The following RGS6 variants were observed in gnomAD, a reference collection of about 807,000 sequenced individuals.
RGS6 encodes the protein regulator of G protein signaling 6, also known as regulator of G-protein signaling 6.
RGS6 carries 30 observed loss-of-function variants against 78.5 expected under a neutral mutation model. The observed-to-expected ratio is 0.38, with a 90% CI of 0.29 to 0.52. RGS6 has a LOEUF of 0.52. Ranked by LOEUF, RGS6 falls within the 20% of genes least tolerant of loss-of-function variation. The pLI is 0.85. For missense variants in RGS6, 495 were observed against 609.7 expected (o/e 0.81, Z 1.98); for synonymous variants, 206 against 206.0 (o/e 1.00, Z 0.00).
chr14:72,434,046 C>A (rs969306495), intron 3 of RGS6, among the ~76,000 whole-genome samples: 10 of 152,232 alleles, frequency 6.6e-5, no homozygotes, highest in Admixed American at 1.3e-4. Flanking sequence ...CGTTAACATT[C>A]AGCTCAAGGC....
intron 2 of RGS6, among the ~76,000 whole-genome samples, chr14:72,072,147 C>G (rs564351421): frequency 2.0e-5 from 3 of 152,146 alleles, no homozygotes; most frequent in Non-Finnish European, 2.9e-5. Context: ...TGTTAAGCCC[C>G]TTTCATGGAG....
At chr14:72,382,030 C>T (rs930761137) in intron 3 of RGS6, among the ~76,000 whole-genome samples, 3 of 151,244 alleles carry the variant, frequency 2.0e-5, no homozygotes, top group Non-Finnish European at 4.4e-5. Flanking sequence ...AGAATGGCTT[C>T]TTAAAAAGCC....
chr14:72,472,706 A>C (rs747711577), intron 8 of RGS6, among the ~76,000 whole-genome samples, 166 bp from the exon 9 acceptor site: 1 of 152,152 alleles, frequency 6.6e-6, no homozygotes, highest in Non-Finnish European at 1.5e-5. Flanking sequence ...CGGGGGGGGA[A>C]TTATACACCC....
chr14:72,612,675 A>G, the RGS6 span: 1 of 504,702 alleles, frequency 2.0e-6, no homozygotes, highest in South Asian at 1.4e-5. Context: ...TATAAACCAC[A>G]AACCCCATTC....
chr14:72,448,684 CAATTATT>C (rs757069878), intron 3 of RGS6, among the ~76,000 whole-genome samples: 9 of 151,944 alleles, frequency 5.9e-5, no homozygotes, highest in Non-Finnish European at 1.3e-4. Flanking sequence ...ATAATAGTAC[CAATTATT>C]ATTATCACTA....
chr14:72,278,474 T>C (rs1431260188), intron 2 of RGS6, among the ~76,000 whole-genome samples: 1 of 152,148 alleles, frequency 6.6e-6, no homozygotes, highest in Non-Finnish European at 1.5e-5. Context: ...GGAATATGTA[T>C]TGCTTAGGAG....
rs2097710050 is a variant in RGS6, at chr14:72,566,282, C to T, written c.*3815C>T. The T allele has an allele frequency of 1.3e-5, 2 of 152,214 alleles. No individual in the cohort carries two copies. The highest frequency in any genetic ancestry group is 4.8e-5 in the African/African-American group (2 of 41,446). 9.4% of individuals were successfully genotyped at this position (152,214 alleles called of 1,614,324 possible). ...AAATGACCAGGACTTGGCCCTCTCC[C>T]CAGCCCCGATGAGGGCTCAGAGCCA... On this transcript the variant is annotated 3_prime_UTR_variant, in exon 18 of 18. Coordinates refer to ENST00000553525, the MANE Select transcript of RGS6 (RefSeq NM_001204424.2).
rs191465067 is a variant in RGS6 at position 72,018,216 on chromosome 14, A to T, written c.84+53341A>T. Among the ~76,000 whole-genome samples the T allele has an allele frequency of 1.2e-3, 190 of 152,286 alleles. 2 individuals are homozygous for T. Among genetic ancestry groups the T allele is most frequent in the Admixed American group, 2.7e-3 (41 of 15,286 alleles). On this transcript the variant is annotated intron_variant, in intron 2 of 17. Coordinates refer to ENST00000553525, the MANE Select transcript of RGS6 (RefSeq NM_001204424.2). The stretch of plus-strand genomic sequence containing the variant: ...CTTGTTTGTTTTGTTATTAAAAAAA[A>T]TCATGATTGAATGTTGAATTTTATC...
At chr14:72,148,682 G>A (rs964037265) in intron 2 of RGS6, among the ~76,000 whole-genome samples, 8 of 152,156 alleles carry the variant, frequency 5.3e-5, no homozygotes, top group African/African-American at 9.7e-5. Flanking sequence ...AGGGTTATTA[G>A]CATGGCCCCT....
intron 3 of RGS6, among the ~76,000 whole-genome samples, chr14:72,356,489 G>A (rs1367758890): frequency 2.6e-5 from 4 of 152,084 alleles, no homozygotes; most frequent in Non-Finnish European, 5.9e-5. Flanking sequence ...TGTGAAAATG[G>A]ACTAATACAC....
At chr14:72,093,636 C>T (rs1055775085) in intron 2 of RGS6, among the ~76,000 whole-genome samples, 1 of 152,168 alleles carries the variant, frequency 6.6e-6, no homozygotes, top group Non-Finnish European at 1.5e-5. Context: ...ATCTGCATTG[C>T]TCTAATGTAT....
At chr14:72,109,589 T>C (rs1209172872) in intron 2 of RGS6, among the ~76,000 whole-genome samples, 1 of 152,216 alleles carries the variant, frequency 6.6e-6, no homozygotes, top group Admixed American at 6.5e-5. Context: ...GTATTCTCTT[T>C]ATCTTGCCCA....
intron 2 of RGS6, among the ~76,000 whole-genome samples, chr14:72,104,875 T>A (rs1292228998): frequency 6.6e-6 from 1 of 152,192 alleles, no homozygotes; most frequent in Non-Finnish European, 1.5e-5. Flanking sequence ...AGCTCTCAGG[T>A]TATGCCTGTT....
intron 2 of RGS6, among the ~76,000 whole-genome samples, chr14:72,245,592 C>T (rs1191539469): frequency 2.6e-5 from 4 of 152,218 alleles, no homozygotes; most frequent in Non-Finnish European, 5.9e-5. Context: ...GTGTTCCTTG[C>T]CCTCATTCCT....
chr14:72,278,490 T>C (rs2061050740), intron 2 of RGS6, among the ~76,000 whole-genome samples: 1 of 152,184 alleles, frequency 6.6e-6, no homozygotes, highest in Non-Finnish European at 1.5e-5. Context: ...AGGAGACACA[T>C]GGCAGTTAAG....
At chr14:71,973,530 CA>C (rs1238938850) in intron 2 of RGS6, among the ~76,000 whole-genome samples, 1 of 151,986 alleles carries the variant, frequency 6.6e-6, no homozygotes, top group Non-Finnish European at 1.5e-5. Flanking sequence ...ACTAAAAATA[CA>C]AAAATTGGCC....
chr14:72,023,996 G>A (rs1173585835), intron 2 of RGS6, among the ~76,000 whole-genome samples: 1 of 152,168 alleles, frequency 6.6e-6, no homozygotes. Context: ...AAGTGCTCGC[G>A]ACAATGAGCT....
intron 2 of RGS6, among the ~76,000 whole-genome samples, chr14:72,189,937 C>T (rs1230254166): frequency 6.6e-6 from 1 of 152,122 alleles, no homozygotes; most frequent in African/African-American, 2.4e-5. Flanking sequence ...CATACCCATA[C>T]TTCTTACTAT....
At chr14:72,098,173 C>T (rs1007134921) in intron 2 of RGS6, among the ~76,000 whole-genome samples, 11 of 152,284 alleles carry the variant, frequency 7.2e-5, no homozygotes, top group East Asian at 5.8e-4. Flanking sequence ...TTTCCAAAAC[C>T]GCCCCCATCC....
Sources: allele counts gnomAD v4.1 joint callset (sites outside exome capture counted in the v4.1 genomes callset), GRCh38; gene constraint gnomAD v4.1.1; transcripts MANE v1.5; gene names NCBI Gene and HGNC (gene_info 2026-07-23, HGNC 2026-07-21).